METTL8: variants seen among roughly 807,000 people sequenced by gnomAD.
METTL8 encodes the protein tRNA N(3)-cytidine methyltransferase METTL8, mitochondrial.
Under a neutral mutation model 48.7 loss-of-function variants are expected in METTL8, and 32 were observed. That is an observed-to-expected ratio of 0.66 (90% CI 0.50 to 0.88). The LOEUF (loss-of-function observed/expected upper bound fraction) is 0.88, where lower values mean the gene tolerates loss of function less well. METTL8 is among the 40% of genes least tolerant of loss of function. The pLI, the probability that METTL8 is intolerant of heterozygous loss-of-function variation, is 0.00. For synonymous variants in METTL8, 136 were observed against 157.1 expected (o/e 0.87, Z 1.01); for missense variants, 464 against 474.4 (o/e 0.98, Z 0.20).
intron 4 of METTL8, among the ~76,000 whole-genome samples, chr2:171,338,727 C>A (rs547960853): frequency 7.9e-5 from 12 of 151,776 alleles, no homozygotes; most frequent in South Asian, 2.1e-4. Context: ...TAAATTATCT[C>A]CTTGTTAGCA....
intron 3 of METTL8, among the ~76,000 whole-genome samples, chr2:171,344,114 T>A (rs142895486): frequency 3.0e-4 from 46 of 152,282 alleles, no homozygotes; most frequent in Non-Finnish European, 5.3e-4. Context: ...CCAATAATAG[T>A]AGCATTAAAA....
chr2:171,356,556 CTCTT>C (rs1247618868), intron 3 of METTL8, among the ~76,000 whole-genome samples: 1 of 152,084 alleles, frequency 6.6e-6, no homozygotes, highest in East Asian at 1.9e-4. Flanking sequence ...TAATCAATCT[CTCTT>C]CACCCCCCAC....
In METTL8 at chr2:171,315,831, A is replaced by G. The variant is rs1684239601; in HGVS notation, c.*8341T>C. Reference sequence around the variant, plus strand: ...ATTTACAAAACTTACATGAAATAAGAAAATGTTCAACTATGTAATAACCAA... The same window carrying G: ...ATTTACAAAACTTACATGAAATAAGGAAATGTTCAACTATGTAATAACCAA... On this transcript the variant is annotated 3_prime_UTR_variant, in exon 10 of 10. Coordinates refer to ENST00000375258, the MANE Select transcript of METTL8 (RefSeq NM_001321154.2). Among the ~76,000 whole-genome samples the G allele has an allele frequency of 6.6e-6, 1 of 152,254 alleles. No individual in the cohort carries two copies. The highest frequency in any genetic ancestry group is 1.5e-5 in the Non-Finnish European group (1 of 68,050).
intron 3 of METTL8, among the ~76,000 whole-genome samples, chr2:171,347,722 A>C (rs1434912901): frequency 1.3e-5 from 2 of 152,234 alleles, no homozygotes; most frequent in South Asian, 2.1e-4. Context: ...GCTGGCAAAG[A>C]AGCACAGTTA....
At position 171,410,077 on chromosome 2, in the gene METTL8, T is replaced by C. The variant is rs573470950; in HGVS notation, c.-12-17880A>G. 1.2e-4 allele frequency among the ~76,000 whole-genome samples: 18 copies of C among 152,300 alleles called. No homozygotes were observed. In the South Asian group the frequency reaches 3.3e-3, roughly 28 times the overall value. On this transcript the variant is annotated intron_variant, in intron 1 of 9. Transcript: ENST00000375258. ...GTCACAGCAAGCTGCTAAAGAATAATTGAGAATATTAATTATGTTCTTAAT... is the reference window on the plus strand; with the variant it reads ...GTCACAGCAAGCTGCTAAAGAATAACTGAGAATATTAATTATGTTCTTAAT...
At chr2:171,420,098 C>G (rs888824234) in intron 1 of METTL8, among the ~76,000 whole-genome samples, 2 of 152,080 alleles carry the variant, frequency 1.3e-5, no homozygotes, top group African/African-American at 4.8e-5. Flanking sequence ...CACCTGTAAT[C>G]CCAGCACTTT....
intron 2 of METTL8, 55 bp from the exon 3 acceptor site, chr2:171,360,568 A>C: frequency 6.7e-7 from 1 of 1,482,198 alleles, no homozygotes; most frequent in Admixed American, 1.8e-5. Flanking sequence ...AAGGCAGAAA[A>C]AAGGTGACAA....
chr2:171,434,037 G>T, upstream of METTL8: 1 of 286,448 alleles, frequency 3.5e-6, no homozygotes, highest in Non-Finnish European at 6.8e-6. Context: ...CGCACACACG[G>T]GGCGGAGACC....
intron 1 of METTL8, among the ~76,000 whole-genome samples, chr2:171,410,022 A>G (rs902572631): frequency 6.6e-6 from 1 of 152,234 alleles, no homozygotes; most frequent in Admixed American, 6.5e-5. Context: ...TAAATTTAAG[A>G]AAGGTTTAGA....
intron 2 of METTL8, 92 bp from the exon 3 acceptor site, chr2:171,360,605 G>A (rs1158883332): frequency 1.9e-6 from 2 of 1,072,342 alleles, no homozygotes; most frequent in Non-Finnish European, 2.7e-6. Flanking sequence ...TTCTAGATTA[G>A]CTGAAGACAT....
At chr2:171,328,885 C>T (rs1685229075) in intron 7 of METTL8, among the ~76,000 whole-genome samples, 2 of 152,180 alleles carry the variant, frequency 1.3e-5, no homozygotes, top group African/African-American at 2.4e-5. Context: ...GATGGGGTTT[C>T]ACCATGTTGG....
chr2:171,376,851 C>A (rs771675318), intron 2 of METTL8, among the ~76,000 whole-genome samples: 2 of 151,862 alleles, frequency 1.3e-5, no homozygotes, highest in Non-Finnish European at 2.9e-5. Context: ...ACATTCCTAA[C>A]ATTTATATAG....
intron 3 of METTL8, among the ~76,000 whole-genome samples, chr2:171,344,455 A>G (rs534954676): frequency 4.9e-4 from 75 of 152,316 alleles, no homozygotes; most frequent in African/African-American, 1.5e-3. Flanking sequence ...TTTCTTCTCA[A>G]TTATGAAGTA....
intron 2 of METTL8, among the ~76,000 whole-genome samples, chr2:171,367,079 G>A (rs940168000): frequency 8.6e-5 from 13 of 151,718 alleles, no homozygotes; most frequent in African/African-American, 3.1e-4. Flanking sequence ...TAAATTGAAA[G>A]CCCAGAAGTA....
intron 2 of METTL8, among the ~76,000 whole-genome samples, chr2:171,363,514 G>A (rs1166731202): frequency 2.6e-5 from 4 of 151,718 alleles, no homozygotes; most frequent in Non-Finnish European, 5.9e-5. Flanking sequence ...TATAGAGTTT[G>A]GCCAATAAAT....
chr2:171,350,232 GAC>G (rs1559087618), intron 3 of METTL8, among the ~76,000 whole-genome samples: 2 of 152,164 alleles, frequency 1.3e-5, no homozygotes, highest in African/African-American at 4.8e-5. Flanking sequence ...CTGTCCTCGC[GAC>G]AGTTTGCTCA....
At chr2:171,434,377 C>T (rs1693610792), upstream of METTL8, 1 of 885,068 alleles carries the variant, frequency 1.1e-6, no homozygotes, top group Non-Finnish European at 1.8e-6. Flanking sequence ...CTTCTCTCCG[C>T]GCTCTGGCGG....
rs2017090 is a variant in METTL8 at position 171,398,742 on chromosome 2, A to T, written c.-12-6545T>A. Among the ~76,000 whole-genome samples the T allele has an allele frequency of 1.4e-3, 213 of 152,338 alleles. 4 individuals carry two copies. In the East Asian group the frequency reaches 0.015, roughly 11 times the overall value. ...AAAGGTAACTATGTGAGAAGATACA[A>T]TTGTTAATCTGCTTGCCTATGGCAA... On this transcript the variant is annotated intron_variant, in intron 1 of 9. Coordinates refer to ENST00000375258, the MANE Select transcript of METTL8 (RefSeq NM_001321154.2).
intron 3 of METTL8, among the ~76,000 whole-genome samples, chr2:171,348,251 T>C (rs1463595777): frequency 6.6e-6 from 1 of 152,120 alleles, no homozygotes; most frequent in Non-Finnish European, 1.5e-5. Context: ...AGAAACAAAA[T>C]TCAATCTCAG....
Sources: gnomAD v4.1 joint callset for allele counts (sites outside exome capture counted in the v4.1 genomes callset) on GRCh38, gnomAD v4.1.1 for gene constraint, MANE v1.5 for transcripts, NCBI Gene and HGNC (gene_info 2026-07-23, HGNC 2026-07-21) for gene names.